PPP2R2D: variants seen among roughly 807,000 people sequenced by gnomAD.
The protein encoded by PPP2R2D is serine/threonine-protein phosphatase 2A 55 kDa regulatory subunit B delta isoform.
Under a neutral mutation model 31.1 loss-of-function variants are expected in PPP2R2D, and 9 were observed. The observed-to-expected ratio is 0.29, with a 90% CI of 0.17 to 0.51. The LOEUF is 0.51. PPP2R2D is among the 20% of genes least tolerant of loss of function. The pLI is 0.98. For synonymous variants in PPP2R2D, 179 were observed against 172.6 expected, an observed-to-expected ratio of 1.04 and a Z score of -0.29; for missense variants, 391 against 465.6, an observed-to-expected ratio of 0.84 and a Z score of 1.48.
chr10:131,937,367 C>G (rs114712931), intron 3 of PPP2R2D, among the ~76,000 whole-genome samples: 220 of 152,358 alleles, frequency 1.4e-3, no homozygotes, highest in African/African-American at 5.0e-3. Flanking sequence ...AGGCTCAGCT[C>G]TAGCCGCCAG....
At chr10:131,913,254 C>T (rs2035714060) in intron 2 of PPP2R2D, among the ~76,000 whole-genome samples, 2 of 149,514 alleles carry the variant, frequency 1.3e-5, no homozygotes, top group South Asian at 4.2e-4. Flanking sequence ...TGGTCTCGAA[C>T]TCCTGAGCTC....
At chr10:131,954,089 T>C (rs1554899542) in intron 8 of PPP2R2D, among the ~76,000 whole-genome samples, 1 of 152,200 alleles carries the variant, frequency 6.6e-6, no homozygotes, top group African/African-American at 2.4e-5. Context: ...ACCAGTTATG[T>C]GCTTACGCCT....
chr10:131,958,282 C>T lies in PPP2R2D; in HGVS notation c.*2319C>T. The T allele has an allele frequency of 4.9e-6, 1 of 204,384 alleles. No individual in the cohort carries two copies. The highest frequency in any genetic ancestry group is 6.9e-5 in the South Asian group (1 of 14,494). The allele number at this position is 204,384 out of a possible 1,614,324, so 12.7% of individuals were successfully genotyped here. ...AAGGTGTGTACTGCTGATCCCCCGTCCCCCTGTGGAGATGAAGGTGTGTGC... is the reference window on the plus strand; with the variant it reads ...AAGGTGTGTACTGCTGATCCCCCGTTCCCCTGTGGAGATGAAGGTGTGTGC... On this transcript the variant is annotated 3_prime_UTR_variant, in exon 9 of 9. Coordinates refer to ENST00000455566, the MANE Select transcript of PPP2R2D (RefSeq NM_018461.5).
chr10:131,910,686 G>A (rs1254182433), intron 2 of PPP2R2D, among the ~76,000 whole-genome samples: 1 of 152,142 alleles, frequency 6.6e-6, no homozygotes, highest in Admixed American at 6.5e-5. Context: ...AAAATCCTCG[G>A]GCTCGTCAGT....
At chr10:131,952,567 A>ATTGT (rs2036677956) in intron 8 of PPP2R2D, among the ~76,000 whole-genome samples, 1 of 36,500 alleles carries the variant, frequency 2.7e-5, no homozygotes, top group Non-Finnish European at 4.3e-5. Context: ...CGGGGGGTTC[A>ATTGT]CTAGTGACTT....
intron 2 of PPP2R2D, among the ~76,000 whole-genome samples, chr10:131,933,049 A>G (rs2036271455): frequency 6.6e-6 from 1 of 152,210 alleles, no homozygotes; most frequent in Non-Finnish European, 1.5e-5. Flanking sequence ...AATACATAAT[A>G]TTTTAGTTTC....
intron 8 of PPP2R2D, among the ~76,000 whole-genome samples, chr10:131,953,185 T>G (rs1206487322): frequency 1.3e-4 from 2 of 15,092 alleles, no homozygotes; most frequent in Non-Finnish European, 1.1e-4. Flanking sequence ...GTGCGGGGGG[T>G]TTCACTGTCT....
intron 2 of PPP2R2D, among the ~76,000 whole-genome samples, chr10:131,902,271 G>A (rs2035512352): frequency 6.6e-6 from 1 of 152,170 alleles, no homozygotes; most frequent in Admixed American, 6.5e-5. Context: ...TCTTAAAAAT[G>A]ATTGGTGTTT....
At chr10:131,942,072 A>T (rs1002852040) in intron 5 of PPP2R2D, among the ~76,000 whole-genome samples, 5 of 152,132 alleles carry the variant, frequency 3.3e-5, no homozygotes, top group Admixed American at 2.6e-4. Flanking sequence ...ATCCTAAAGT[A>T]GAAGTGTGAT....
intron 2 of PPP2R2D, among the ~76,000 whole-genome samples, chr10:131,904,977 C>T (rs970096366): frequency 1.9e-5 from 2 of 106,758 alleles, no homozygotes; most frequent in Admixed American, 9.6e-5. Flanking sequence ...TTGATGCGCA[C>T]CCCACCCCCC....
rs1402858116 is a variant in PPP2R2D, at chr10:131,901,132, TC to T, written c.-14del. The T allele has an allele frequency of 1.6e-5, 4 of 255,508 alleles. No homozygotes were observed. Among genetic ancestry groups the T allele is most frequent in the Admixed American group, 5.7e-5 (1 of 17,620 alleles). The allele number at this position is 255,508 out of a possible 1,614,324, so 15.8% of individuals were successfully genotyped here. On this transcript the variant is annotated 5_prime_UTR_variant, in exon 1 of 9. Transcript: ENST00000455566. The stretch of plus-strand genomic sequence containing the variant: ...CCTGGTCTGCCGCGGTCCCCGCCCG[TC>T]CCGCCGCCGGCTGCCATGGCAGGTG...
chr10:131,949,308 T>C (rs1317791799), intron 8 of PPP2R2D, among the ~76,000 whole-genome samples: 4 of 152,076 alleles, frequency 2.6e-5, no homozygotes, highest in African/African-American at 9.7e-5. Context: ...ACCTGCACTT[T>C]GACTAGAAGA....
intron 2 of PPP2R2D, among the ~76,000 whole-genome samples, chr10:131,916,842 G>T (rs1490982095): frequency 6.8e-6 from 1 of 146,054 alleles, no homozygotes; most frequent in African/African-American, 2.6e-5. Context: ...GACAGTGTTT[G>T]TAGGGACCTC....
chr10:131,947,271 C>T lies in PPP2R2D; in HGVS notation c.821-259C>T, dbSNP rs555347394. Among the ~76,000 whole-genome samples, 10 of 152,250 alleles carry T rather than the reference C, an allele frequency of 6.6e-5. No individual in the cohort carries two copies. The highest frequency in any genetic ancestry group is 2.1e-4 in the South Asian group (1 of 4,828). Reference sequence around the variant, plus strand: ...TGCCTAGAGATTCTCATTCAGGGTCCGGGTGAGACTTGGGCGTCTACGCTT... The same window carrying T: ...TGCCTAGAGATTCTCATTCAGGGTCTGGGTGAGACTTGGGCGTCTACGCTT... On this transcript the variant is annotated intron_variant, in intron 7 of 8. Transcript: ENST00000455566. The surrounding 1 kb of genome is among the most constrained non-coding windows in gnomAD (Gnocchi z 4.3).
chr10:131,948,748 C>G (rs1193547292), intron 8 of PPP2R2D, among the ~76,000 whole-genome samples: 1 of 152,202 alleles, frequency 6.6e-6, no homozygotes, highest in African/African-American at 2.4e-5. Flanking sequence ...TTGTCCCACA[C>G]GAGGTGACTT....
At chr10:131,953,807 G>GGGT (rs1275471147) in intron 8 of PPP2R2D, among the ~76,000 whole-genome samples, 3 of 152,100 alleles carry the variant, frequency 2.0e-5, no homozygotes, top group Non-Finnish European at 4.4e-5. Context: ...AGTGACTTGC[G>GGGT]GGTACATGGA....
At chr10:131,952,428 C>T (rs1235145399) in intron 8 of PPP2R2D, among the ~76,000 whole-genome samples, 2 of 87,888 alleles carry the variant, frequency 2.3e-5, no homozygotes, top group African/African-American at 9.6e-5. Flanking sequence ...CGGGGGTTCA[C>T]TGTCTTAGCA....
intron 8 of PPP2R2D, among the ~76,000 whole-genome samples, chr10:131,954,277 C>G (rs1352860646): frequency 4.6e-5 from 7 of 152,240 alleles, no homozygotes; most frequent in Non-Finnish European, 1.0e-4. Context: ...ACCAGCAATT[C>G]CAGTCAGTGT....
intron 2 of PPP2R2D, among the ~76,000 whole-genome samples, chr10:131,921,834 A>G (rs1277244943): frequency 6.6e-6 from 1 of 152,208 alleles, no homozygotes; most frequent in Non-Finnish European, 1.5e-5. Context: ...AGAGTCTACC[A>G]TGGCTCACAT....
Sources: allele counts gnomAD v4.1 joint callset (sites outside exome capture counted in the v4.1 genomes callset), GRCh38; gene constraint gnomAD v4.1.1; non-coding constraint Gnocchi (gnomAD v3.1); transcripts MANE v1.5; gene names NCBI Gene and HGNC (gene_info 2026-07-23, HGNC 2026-07-21).